Variants in LMO7 observed in about 807,000 individuals in gnomAD.
LMO7 encodes LIM domain 7, also known as LIM domain only protein 7.
In LMO7, 120 loss-of-function variants were observed where a neutral mutation model predicts 206.5. The ratio of observed to expected loss-of-function variants is 0.58; its 90% CI spans 0.50 to 0.68. LMO7 has a LOEUF of 0.68. Ranked by LOEUF, LMO7 falls within the 30% of genes least tolerant of loss-of-function variation. LMO7 has a pLI of 0.00. For missense variants in LMO7, 1,959 were observed against 1,957.9 expected, an observed-to-expected ratio of 1.00 and a Z score of -0.01; for synonymous variants, 706 against 681.5, an observed-to-expected ratio of 1.04 and a Z score of -0.56.
At chr13:75,633,943 GT>G (rs200992453), upstream of LMO7, among the ~76,000 whole-genome samples, 1,439 of 141,910 alleles carry the variant, frequency 0.01, 31 homozygotes, top group African/African-American at 0.035. Context: ...TGACTCCCTG[GT>G]TCAAGCGATT....
chr13:75,733,426 G>A (rs539666790), intron 3 of LMO7, among the ~76,000 whole-genome samples: 27 of 152,344 alleles, frequency 1.8e-4, no homozygotes, highest in Admixed American at 7.2e-4. Flanking sequence ...AGGACCCTCC[G>A]AGCCAGGTGT....
rs1418996681 is a variant in LMO7 at position 75,841,737 on chromosome 13, G to A, written c.3785G>A (p.Gly1262Glu). The change falls in exon 24 of 31, where the codon GGA becomes GAA. Residue 1262 changes from glycine (G) to glutamate (E), a missense_variant. Transcript: ENST00000377534. Reference protein sequence around the residue: ...SEGSKSSDREGTRAGEEERRQ... With the variant: ...SEGSKSSDREETRAGEEERRQ... Reference sequence around the variant, plus strand: ...GGGTCCAAGTCTTCAGACAGAGAAGGAACCCGAGCAGGAGAAGAGGAGAGG... The same window carrying A: ...GGGTCCAAGTCTTCAGACAGAGAAGAAACCCGAGCAGGAGAAGAGGAGAGG... 1 of 1,613,972 alleles carries A rather than the reference G, an allele frequency of 6.2e-7. No individual in the cohort carries two copies. Among genetic ancestry groups the A allele is most frequent in the African/African-American group, 1.3e-5 (1 of 74,904 alleles).
At chr13:75,732,079 T>C (rs2045300721) in intron 3 of LMO7, among the ~76,000 whole-genome samples, 1 of 152,156 alleles carries the variant, frequency 6.6e-6, no homozygotes, top group Non-Finnish European at 1.5e-5. Context: ...ATTTCAACTT[T>C]AGTGAATCTG....
chr13:75,629,724 G>T lies in LMO7; in HGVS notation c.225+6404G>T, dbSNP rs116537762. Among the ~76,000 whole-genome samples, 1,012 of 152,288 alleles carry T rather than the reference G, an allele frequency of 6.6e-3. 9 individuals carry two copies. The highest frequency in any genetic ancestry group is 0.022 in the African/African-American group (920 of 41,550). Reference sequence around the variant, plus strand: ...AGTGGGGAGTGTGTTGGTGGTTTAAGAGTTAGATTTCAAGAAGGTCATCAC... The same window carrying T: ...AGTGGGGAGTGTGTTGGTGGTTTAATAGTTAGATTTCAAGAAGGTCATCAC... On this transcript the variant is annotated intron_variant, in intron 2 of 29. Coordinates refer to the LMO7 transcript ENST00000341547.
At chr13:75,651,734 C>G (rs1172409188) in intron 1 of LMO7, among the ~76,000 whole-genome samples, 1 of 152,194 alleles carries the variant, frequency 6.6e-6, no homozygotes, top group East Asian at 1.9e-4. Context: ...GCGGTACAAG[C>G]TTATGATGTG....
intron 2 of LMO7, among the ~76,000 whole-genome samples, chr13:75,722,454 C>T (rs931200444): frequency 9.9e-5 from 15 of 152,086 alleles, no homozygotes; most frequent in Non-Finnish European, 4.4e-5. Context: ...TGTACAGCAT[C>T]GCTAATAATC....
chr13:75,731,759 G>A (rs1261879968), intron 3 of LMO7, among the ~76,000 whole-genome samples: 2 of 151,960 alleles, frequency 1.3e-5, no homozygotes, highest in South Asian at 2.1e-4. Flanking sequence ...ATTTTGTGGC[G>A]GCTGGTATCA....
At chr13:75,816,459 A>G (rs1234895154) in intron 11 of LMO7, among the ~76,000 whole-genome samples, 5 of 152,222 alleles carry the variant, frequency 3.3e-5, no homozygotes, top group Non-Finnish European at 7.3e-5. Flanking sequence ...CCTGTGCCCA[A>G]CACCCCACTC....
At chr13:75,795,127 A>G (rs939198299) in intron 4 of LMO7, among the ~76,000 whole-genome samples, 3 of 152,192 alleles carry the variant, frequency 2.0e-5, no homozygotes, top group African/African-American at 7.2e-5. Context: ...ACTGAAATGA[A>G]TAAAATGAAA....
At chr13:75,630,998 G>C (rs2034867377) in intron 2 of LMO7, among the ~76,000 whole-genome samples, 2 of 151,652 alleles carry the variant, frequency 1.3e-5, no homozygotes, top group African/African-American at 4.8e-5. Context: ...CTTTCCCTGT[G>C]CCACTGAATG....
chr13:75,772,490 A>G (rs1324612124), intron 4 of LMO7, among the ~76,000 whole-genome samples: 1 of 152,080 alleles, frequency 6.6e-6, no homozygotes, highest in East Asian at 1.9e-4. Context: ...CAACCACTTT[A>G]TAAGATAGGG....
chr13:75,709,571 T>C (rs1376692945), intron 1 of LMO7, among the ~76,000 whole-genome samples: 1 of 152,254 alleles, frequency 6.6e-6, no homozygotes, highest in Non-Finnish European at 1.5e-5. Flanking sequence ...TTTTTTCATA[T>C]GTCTTTTGGC....
At position 75,626,595 on chromosome 13, in the gene LMO7, A is replaced by ATTTTTTTTTTT. The variant is rs1240937141; in HGVS notation, c.225+3282_225+3283insTTTTTTTTTTT. On this transcript the variant is annotated intron_variant, in intron 2 of 29. Transcript: ENST00000341547. ...ATATATATTATATATATATATATAA[A>ATTTTTTTTTTT]TTTTTTTGAGACAGGGTCTCACTCT... Among the ~76,000 whole-genome samples the ATTTTTTTTTTT allele has an allele frequency of 4.2e-4, 30 of 71,170 alleles. 1 individual carries two copies. Among genetic ancestry groups the ATTTTTTTTTTT allele is most frequent in the South Asian group, 1.4e-3 (3 of 2,080 alleles). The allele number at this position is 71,170 out of a possible 152,430, so 46.7% of individuals were successfully genotyped here. A position where few individuals can be genotyped will look rare whatever the true frequency, so the allele number is the denominator to read the frequency against.
chr13:75,707,508 C>T (rs547141319), intron 1 of LMO7, among the ~76,000 whole-genome samples: 2 of 152,096 alleles, frequency 1.3e-5, no homozygotes, highest in African/African-American at 4.8e-5. Flanking sequence ...ATTTATTCTA[C>T]AGAACGCCAT....
At chr13:75,828,318 G>A (rs770322195) in intron 15 of LMO7, among the ~76,000 whole-genome samples, 8 of 152,164 alleles carry the variant, frequency 5.3e-5, no homozygotes, top group Non-Finnish European at 1.0e-4. Context: ...TGAAAGTTAT[G>A]TAACTTGCCC....
At chr13:75,804,573 TA>T (rs758186025) in intron 8 of LMO7, 32 bp downstream of exon 8, 2 of 1,597,340 alleles carry the variant, frequency 1.3e-6, no homozygotes, top group Admixed American at 3.5e-5. Context: ...TTGAGTTTCG[TA>T]TGCTTTTCGA....
chr13:75,725,338 T>G (rs2044378838), intron 2 of LMO7, among the ~76,000 whole-genome samples: 1 of 152,124 alleles, frequency 6.6e-6, no homozygotes, highest in African/African-American at 2.4e-5. Context: ...TAATGGCCTC[T>G]AATTTATGTC....
intron 2 of LMO7, among the ~76,000 whole-genome samples, chr13:75,724,719 T>C (rs2044316218): frequency 6.6e-6 from 1 of 152,154 alleles, no homozygotes; most frequent in Non-Finnish European, 1.5e-5. Flanking sequence ...TTTCCTTTAA[T>C]TTTATATGAA....
intron 1 of LMO7, among the ~76,000 whole-genome samples, chr13:75,639,388 A>G (rs2036290501): frequency 6.6e-6 from 1 of 152,228 alleles, no homozygotes; most frequent in Non-Finnish European, 1.5e-5. Context: ...GCTACCCTTT[A>G]AGATCGCTCA....
Sources: allele counts gnomAD v4.1 joint callset (sites outside exome capture counted in the v4.1 genomes callset), GRCh38; gene constraint gnomAD v4.1.1; transcripts MANE v1.5; gene names NCBI Gene and HGNC (gene_info 2026-07-23, HGNC 2026-07-21).